Variants in PCDHGA1 observed in about 807,000 individuals in gnomAD.
PCDHGA1 encodes the protein protocadherin gamma subfamily A, 1.
PCDHGA1 carries 32 observed loss-of-function variants against 58.0 expected under a neutral mutation model. That is an observed-to-expected ratio of 0.55 (90% CI 0.42 to 0.74). PCDHGA1 has a LOEUF of 0.74. PCDHGA1 is among the 30% of genes least tolerant of loss of function. The pLI is 0.00. For synonymous variants in PCDHGA1, 498 were observed against 501.1 expected (o/e 0.99, Z 0.08); for missense variants, 1,205 against 1,182.3 (o/e 1.02, Z -0.28).
chr5:141,433,812 G>A (rs535623556), intron 1 of PCDHGA1, among the ~76,000 whole-genome samples: 46 of 150,530 alleles, frequency 3.1e-4, no homozygotes, highest in African/African-American at 1.1e-3. Context: ...ACTCCAGCCT[G>A]GGCAACAAGA....
At chr5:141,363,492 A>G (rs1043734455) in intron 1 of PCDHGA1, among the ~76,000 whole-genome samples, 5 of 152,244 alleles carry the variant, frequency 3.3e-5, no homozygotes, top group African/African-American at 1.2e-4. Flanking sequence ...GGATGATGAA[A>G]TAAAACCCCA....
At chr5:141,350,580 C>T in intron 1 of PCDHGA1, 1 of 1,614,074 alleles carries the variant, frequency 6.2e-7, no homozygotes, top group Non-Finnish European at 8.5e-7. Flanking sequence ...GAAACGGTCG[C>T]TGAAAACCCA....
chr5:141,350,620 C>T (rs1354304006), intron 1 of PCDHGA1: 1 of 1,613,990 alleles, frequency 6.2e-7, no homozygotes, highest in Non-Finnish European at 8.5e-7. Flanking sequence ...TTGTTGTAAT[C>T]CAAGATATTA....
At chr5:141,413,562 T>C in intron 1 of PCDHGA1, 1 of 1,613,850 alleles carries the variant, frequency 6.2e-7, no homozygotes, top group Non-Finnish European at 8.5e-7. Context: ...AAGTAACTGA[T>C]ATCAATGACA....
chr5:141,472,009 G>A (rs917861040), intron 1 of PCDHGA1, among the ~76,000 whole-genome samples: 11 of 152,074 alleles, frequency 7.2e-5, no homozygotes, highest in African/African-American at 2.7e-4. Flanking sequence ...TCGTATAGGG[G>A]CACTATATTG....
At chr5:141,470,815 G>A (rs891225908) in intron 1 of PCDHGA1, among the ~76,000 whole-genome samples, 1 of 151,980 alleles carries the variant, frequency 6.6e-6, no homozygotes, top group African/African-American at 2.4e-5. Flanking sequence ...AGCCTTCTGA[G>A]TAGTTAGGAC....
chr5:141,434,044 A>T (rs2097670450), intron 1 of PCDHGA1, among the ~76,000 whole-genome samples: 2 of 152,132 alleles, frequency 1.3e-5, no homozygotes, highest in South Asian at 4.1e-4. Flanking sequence ...TTTCTATTTT[A>T]TTCAATGGCC....
At chr5:141,341,316 A>T (rs1049083452) in intron 1 of PCDHGA1, 1 of 1,614,144 alleles carries the variant, frequency 6.2e-7, no homozygotes, top group Non-Finnish European at 8.5e-7. Flanking sequence ...CTCATCAGCC[A>T]GGAGAGCTGT....
At chr5:141,414,473 G>T (rs371832510) in intron 1 of PCDHGA1, 1 of 1,613,908 alleles carries the variant, frequency 6.2e-7, no homozygotes, top group Non-Finnish European at 8.5e-7. Flanking sequence ...GATGGGGGAA[G>T]TCCTCCTCTA....
chr5:141,400,452 A>C, intron 1 of PCDHGA1: 3 of 1,614,038 alleles, frequency 1.9e-6, no homozygotes, highest in Non-Finnish European at 2.5e-6. Context: ...GACAAGACAT[A>C]CTTTGTGGTG....
intron 1 of PCDHGA1, chr5:141,383,579 A>G (rs756026538): frequency 6.2e-7 from 1 of 1,613,596 alleles, no homozygotes. Context: ...AGCACCGCCC[A>G]CATCCAGGTG....
intron 1 of PCDHGA1, among the ~76,000 whole-genome samples, chr5:141,482,793 C>T (rs900216099): frequency 3.9e-5 from 5 of 128,974 alleles, no homozygotes; most frequent in Non-Finnish European, 8.1e-5. Flanking sequence ...TGTGTGTGGC[C>T]GGGTACGGTG....
chr5:141,358,882 T>C (rs573260789), intron 1 of PCDHGA1, among the ~76,000 whole-genome samples: 1 of 152,374 alleles, frequency 6.6e-6, no homozygotes, highest in African/African-American at 2.4e-5. Flanking sequence ...CATGTGGCTC[T>C]GGGATTATTT....
At chr5:141,356,540 A>G (rs527720732) in intron 1 of PCDHGA1, 1 of 1,614,106 alleles carries the variant, frequency 6.2e-7, no homozygotes, top group East Asian at 2.2e-5. Flanking sequence ...GACATCAATG[A>G]CAACCCACCC....
intron 1 of PCDHGA1, among the ~76,000 whole-genome samples, chr5:141,335,452 G>A (rs1316030662): frequency 2.0e-5 from 3 of 152,114 alleles, no homozygotes; most frequent in Admixed American, 6.5e-5. Flanking sequence ...GATTATAGTT[G>A]TAAAAAGAGC....
At position 141,487,385 on chromosome 5, in the gene PCDHGA1, CGAA is replaced by C; in HGVS notation, c.2422-7420_2422-7418del. 6.2e-7 allele frequency: 1 copy of C among 1,614,160 alleles called. No individual in the cohort carries two copies. The highest frequency in any genetic ancestry group is 8.5e-7 in the Non-Finnish European group (1 of 1,180,046). On this transcript the variant is annotated intron_variant, in intron 1 of 3. Coordinates refer to ENST00000517417, the MANE Select transcript of PCDHGA1 (RefSeq NM_018912.3). The surrounding 1 kb of genome is among the most constrained non-coding windows in gnomAD (Gnocchi z 5.0). ...CACCTGTGCCTGTCTCACCAGATCTCGAAGGAGGGAGGGGCTTCCCCCTTCCAA... is the reference window on the plus strand; with the variant it reads ...CACCTGTGCCTGTCTCACCAGATCTCGGAGGGAGGGGCTTCCCCCTTCCAA...
In PCDHGA1 at chr5:141,506,176, C is replaced by T. The variant is rs183157987; in HGVS notation, c.2569+695C>T. ...CCTTAAGAGCACAGCCTAAGCTGGG[C>T]GTGGTGGCTCACGCCTGTAATCCCA... is the stretch of plus-strand genomic sequence containing the variant. On this transcript the variant is annotated intron_variant, in intron 3 of 3. Coordinates refer to ENST00000517417, the MANE Select transcript of PCDHGA1 (RefSeq NM_018912.3). Among the ~76,000 whole-genome samples the T allele has an allele frequency of 3.0e-3, 454 of 152,234 alleles. 1 individual carries two copies. The highest frequency in any genetic ancestry group is 0.021 in the Admixed American group (317 of 15,296).
intron 1 of PCDHGA1, chr5:141,366,730 CAAAG>C: frequency 1.9e-6 from 3 of 1,613,020 alleles, no homozygotes; most frequent in Non-Finnish European, 2.5e-6. Flanking sequence ...TAGATGCAAA[CAAAG>C]AAGAACGGCG....
At chr5:141,394,459 G>T (rs761612403) in intron 1 of PCDHGA1, 1 of 1,614,238 alleles carries the variant, frequency 6.2e-7, no homozygotes, top group Non-Finnish European at 8.5e-7. Context: ...ATGTCACTGA[G>T]CCTGTTCGTG....
Sources: allele counts gnomAD v4.1 joint callset (sites outside exome capture counted in the v4.1 genomes callset), GRCh38; gene constraint gnomAD v4.1.1; non-coding constraint Gnocchi (gnomAD v3.1); transcripts MANE v1.5; gene names NCBI Gene and HGNC (gene_info 2026-07-23, HGNC 2026-07-21).